The following NOVA2 variants were observed in gnomAD, a reference collection of about 807,000 sequenced individuals.
The protein encoded by NOVA2 is NOVA alternative splicing regulator 2.
A neutral mutation model predicts 22.5 loss-of-function variants in NOVA2; 9 were observed. The ratio of observed to expected loss-of-function variants is 0.40; its 90% CI spans 0.24 to 0.70. The LOEUF is 0.70. Among genes scored for constraint, NOVA2 ranks in the 30% least tolerant of loss-of-function variants. The pLI is 0.38. For missense variants in NOVA2, 383 were observed against 682.8 expected, an observed-to-expected ratio of 0.56 and a Z score of 4.89; for synonymous variants, 318 against 335.2, an observed-to-expected ratio of 0.95 and a Z score of 0.56.
chr19:45,966,644 G>A (rs929107036), intron 1 of NOVA2, among the ~76,000 whole-genome samples: 1 of 152,242 alleles, frequency 6.6e-6, no homozygotes, highest in Middle Eastern at 3.4e-3. Context: ...TTGGGAGGCC[G>A]AAGCAGATGG....
intron 3 of NOVA2, among the ~76,000 whole-genome samples, chr19:45,943,223 T>G (rs1967787793): frequency 6.6e-6 from 1 of 151,366 alleles, no homozygotes; most frequent in South Asian, 2.1e-4. Context: ...CCAGCTAATT[T>G]TTTTGTATTT....
At chr19:45,942,345 G>A (rs1430588425) in intron 3 of NOVA2, among the ~76,000 whole-genome samples, 1 of 152,174 alleles carries the variant, frequency 6.6e-6, no homozygotes, top group African/African-American at 2.4e-5. Context: ...GATGCACACA[G>A]AGGGAAGACT....
chr19:45,953,081 T>TA (rs1409592711), intron 3 of NOVA2, among the ~76,000 whole-genome samples: 4 of 152,164 alleles, frequency 2.6e-5, no homozygotes, highest in Admixed American at 1.3e-4. Context: ...TCCGTTCCCT[T>TA]ACGCACTTCC....
chr19:45,973,039 C>T (rs1003583316), intron 1 of NOVA2, among the ~76,000 whole-genome samples: 1 of 141,178 alleles, frequency 7.1e-6, no homozygotes, highest in Non-Finnish European at 1.6e-5. Context: ...CTTATCACCC[C>T]CTCCCCCCCA....
At chr19:45,969,305 G>A (rs1033895895) in intron 1 of NOVA2, among the ~76,000 whole-genome samples, 11 of 152,024 alleles carry the variant, frequency 7.2e-5, no homozygotes, top group Non-Finnish European at 1.3e-4. Flanking sequence ...AAGAATTTGA[G>A]ACCAGCCTGG....
chr19:45,950,283 T>C (rs969649839), intron 3 of NOVA2, among the ~76,000 whole-genome samples: 6 of 151,874 alleles, frequency 4.0e-5, no homozygotes, highest in African/African-American at 1.5e-4. Flanking sequence ...CTCAGCCTCC[T>C]GAATAGCTGA....
At position 45,973,861 on chromosome 19, in the gene NOVA2, C is replaced by T. The variant is rs1968269495; in HGVS notation, c.-510G>A. Among the ~76,000 whole-genome samples the T allele has an allele frequency of 6.7e-6, 1 of 150,082 alleles. No homozygotes were observed. Among genetic ancestry groups the T allele is most frequent in the Admixed American group, 6.6e-5 (1 of 15,098 alleles). On this transcript the variant is annotated 5_prime_UTR_variant, in exon 1 of 4. Transcript: ENST00000263257. ...TCTTGGCTCCCTGGGGCAAGAGGGC[C>T]GAGCCCCCCAGACCCTGCTCGGGGT...
At chr19:45,966,854 G>T (rs1035049324) in intron 1 of NOVA2, among the ~76,000 whole-genome samples, 1 of 152,146 alleles carries the variant, frequency 6.6e-6, no homozygotes, top group Admixed American at 6.5e-5. Context: ...TCCAGCCTGG[G>T]CAACAAGAGC....
intron 1 of NOVA2, 93 bp downstream of exon 1, chr19:45,973,174 A>G: frequency 1.9e-6 from 1 of 527,988 alleles, no homozygotes. Context: ...CCCTCCCCAG[A>G]GCCCTTGCAC....
At chr19:45,943,723 A>G (rs1477339214) in intron 3 of NOVA2, among the ~76,000 whole-genome samples, 2 of 151,848 alleles carry the variant, frequency 1.3e-5, no homozygotes, top group African/African-American at 4.8e-5. Context: ...GACTCAAAAA[A>G]AAAAAAAAGT....
rs186486194 is a variant in NOVA2, at chr19:45,934,208, A to G, written c.*5655T>C. ...TCCAAGAGGGAGAACAAGCCTGGAG[A>G]GGAGGCTACCTTAAGGTCCTAAGAA... is the stretch of plus-strand genomic sequence containing the variant. On this transcript the variant is annotated 3_prime_UTR_variant, in exon 4 of 4. Coordinates refer to ENST00000263257, the MANE Select transcript of NOVA2 (RefSeq NM_002516.4). The G allele has an allele frequency of 5.3e-4, 80 of 152,282 alleles. 1 individual carries two copies. Among genetic ancestry groups the G allele is most frequent in the African/African-American group, 1.8e-3 (76 of 41,538 alleles). 9.4% of individuals were successfully genotyped at this position (152,282 alleles called of 1,614,324 possible). A position where few individuals can be genotyped will look rare whatever the true frequency, so the allele number is the denominator to read the frequency against.
At chr19:45,941,659 G>A (rs1299517764) in intron 3 of NOVA2, among the ~76,000 whole-genome samples, 1 of 152,196 alleles carries the variant, frequency 6.6e-6, no homozygotes, top group African/African-American at 2.4e-5. Flanking sequence ...CACTTTGACA[G>A]GCTGAGGTGG....
At chr19:45,958,478 GAT>G (rs1244837279) in intron 2 of NOVA2, among the ~76,000 whole-genome samples, 6 of 151,006 alleles carry the variant, frequency 4.0e-5, no homozygotes, top group Non-Finnish European at 8.8e-5. Flanking sequence ...GTGTGAGTGG[GAT>G]GTGTGTGAAT....
At chr19:45,972,929 A>T (rs1041686498) in intron 1 of NOVA2, among the ~76,000 whole-genome samples, 7 of 150,992 alleles carry the variant, frequency 4.6e-5, no homozygotes, top group Admixed American at 4.6e-4. Context: ...CTCGGGGAAC[A>T]CCCCTGCTCC....
chr19:45,939,619 G>C lies in NOVA2; in HGVS notation c.*244C>G, dbSNP rs754790207. 4 of 556,016 alleles carry C rather than the reference G, an allele frequency of 7.2e-6. No homozygotes were observed. The highest frequency in any genetic ancestry group is 1.3e-5 in the Non-Finnish European group (4 of 313,154). The allele number at this position is 556,016 out of a possible 1,614,324, so 34.4% of individuals were successfully genotyped here. ...GACAGGAAGGGTCAGGCCCAGCCAA[G>C]CACAGGGAGGGAGGAAGGAGGGGTC... On this transcript the variant is annotated 3_prime_UTR_variant, in exon 4 of 4. Transcript: ENST00000263257.
intron 3 of NOVA2, among the ~76,000 whole-genome samples, chr19:45,946,743 A>G (rs1967845108): frequency 6.6e-6 from 1 of 152,066 alleles, no homozygotes; most frequent in African/African-American, 2.4e-5. Context: ...GTGGTGGCAC[A>G]CGCCTGTAGT....
At chr19:45,944,225 T>C (rs1967803922) in intron 3 of NOVA2, among the ~76,000 whole-genome samples, 1 of 152,170 alleles carries the variant, frequency 6.6e-6, no homozygotes, top group Non-Finnish European at 1.5e-5. Context: ...GTGAATCACT[T>C]GAGCCCAGGA....
intron 3 of NOVA2, among the ~76,000 whole-genome samples, chr19:45,952,352 C>CGTCCT (rs1967938553): frequency 1.3e-5 from 2 of 152,194 alleles, no homozygotes; most frequent in Non-Finnish European, 2.9e-5. Context: ...CTCAAGGTCA[C>CGTCCT]ATAGGACGTA....
intron 3 of NOVA2, among the ~76,000 whole-genome samples, chr19:45,944,711 T>C (rs151315186): frequency 4.3e-4 from 66 of 152,306 alleles, no homozygotes; most frequent in Admixed American, 1.2e-3. Flanking sequence ...GCTGAGTTCA[T>C]TTACATAAAT....
Sources: allele counts gnomAD v4.1 joint callset (sites outside exome capture counted in the v4.1 genomes callset), GRCh38; gene constraint gnomAD v4.1.1; transcripts MANE v1.5; gene names NCBI Gene and HGNC (gene_info 2026-07-23, HGNC 2026-07-21).